The following IGFBP7 variants were observed in gnomAD, a reference collection of about 807,000 sequenced individuals.
IGFBP7 encodes insulin-like growth factor-binding protein 7.
In IGFBP7, 31 loss-of-function variants were observed where a neutral mutation model predicts 29.4. The ratio of observed to expected loss-of-function variants is 1.05; its 90% confidence interval spans 0.79 to 1.42. IGFBP7 has a LOEUF of 1.42. Among genes scored for constraint, IGFBP7 ranks in the 40% most tolerant of loss-of-function variants. The pLI is 0.00. For missense variants in IGFBP7, 393 were observed against 395.5 expected, an observed-to-expected ratio of 0.99 and a Z score of 0.05; for synonymous variants, 172 against 174.9, an observed-to-expected ratio of 0.98 and a Z score of 0.13.
chr4:57,053,019 C>T (rs1472655586), intron 1 of IGFBP7, among the ~76,000 whole-genome samples: 5 of 141,106 alleles, frequency 3.5e-5, no homozygotes, highest in South Asian at 2.2e-4. Context: ...TCTTTTCTAT[C>T]TTTTTTTTTT....
intron 1 of IGFBP7, among the ~76,000 whole-genome samples, chr4:57,074,039 ATCTC>A (rs10569950): frequency 0.03 from 3,190 of 107,498 alleles, 116 homozygotes; most frequent in African/African-American, 0.089. Context: ...TGGAAAATGC[ATCTC>A]TCTCTCTCTC....
intron 1 of IGFBP7, among the ~76,000 whole-genome samples, chr4:57,084,512 T>C (rs879916641): frequency 7.2e-5 from 11 of 152,204 alleles, no homozygotes; most frequent in Non-Finnish European, 8.8e-5. Flanking sequence ...TTAAACATTT[T>C]CCAAGATTTC....
intron 1 of IGFBP7, among the ~76,000 whole-genome samples, chr4:57,052,437 G>T (rs555175701): frequency 6.6e-6 from 1 of 152,322 alleles, no homozygotes; most frequent in South Asian, 2.1e-4. Context: ...CCAGTGGGGA[G>T]ACCAGAAGTG....
At chr4:57,093,354 G>T (rs921371071) in intron 1 of IGFBP7, among the ~76,000 whole-genome samples, 1 of 152,112 alleles carries the variant, frequency 6.6e-6, no homozygotes, top group Non-Finnish European at 1.5e-5. Flanking sequence ...TACAAAATTA[G>T]CTGGGTGTGG....
chr4:57,096,444 C>G (rs1411261418), intron 1 of IGFBP7, among the ~76,000 whole-genome samples: 1 of 151,916 alleles, frequency 6.6e-6, no homozygotes, highest in Non-Finnish European at 1.5e-5. Flanking sequence ...GACATTAAGT[C>G]ATCTGGAAAG....
chr4:57,086,945 G>C (rs1725512680), intron 1 of IGFBP7, among the ~76,000 whole-genome samples: 1 of 152,154 alleles, frequency 6.6e-6, no homozygotes, highest in African/African-American at 2.4e-5. Context: ...TGTTGGCCAA[G>C]CTGGTCTCGA....
Position 57,040,695 on chromosome 4 carries a change from G to A in IGFBP7, c.585+129C>T, listed in dbSNP as rs1334475244. 1.2e-5 allele frequency: 9 copies of A among 727,352 alleles called. No individual in the cohort carries two copies. The Admixed American group carries it at 1.6e-4, about 13-fold the overall frequency. The allele number at this position is 727,352 out of a possible 1,614,324, so 45.1% of individuals were successfully genotyped here. ...ATCCAGGGGAGGGGCCTGTATGACT[G>A]CCCTAAGGCTTCACCTTGCGGGAGC... On this transcript the variant is annotated intron_variant, in intron 2 of 4. Coordinates refer to ENST00000295666, the MANE Select transcript of IGFBP7 (RefSeq NM_001553.3).
chr4:57,083,730 A>G (rs2109788381), intron 1 of IGFBP7, among the ~76,000 whole-genome samples: 1 of 152,354 alleles, frequency 6.6e-6, no homozygotes, highest in East Asian at 1.9e-4. Context: ...TATCTCATGA[A>G]TGGGTGAATG....
intron 1 of IGFBP7, among the ~76,000 whole-genome samples, chr4:57,044,318 T>G (rs144677331): frequency 1.1e-3 from 167 of 152,292 alleles, no homozygotes; most frequent in African/African-American, 3.8e-3. Context: ...ATGCTATGGA[T>G]TTTTCCCATG....
chr4:57,054,580 A>G (rs545550502), intron 1 of IGFBP7, among the ~76,000 whole-genome samples: 2 of 147,136 alleles, frequency 1.4e-5, no homozygotes, highest in South Asian at 2.1e-4. Context: ...CGGAGGTTGC[A>G]GTGCACCAAG....
At position 57,034,094 on chromosome 4, in the gene IGFBP7, T is replaced by C. The variant is rs116010876; in HGVS notation, c.586-783A>G. ...CAGCTGTCAAATACATGTGCTGTCA[T>C]TGTTCTTTTATGACAAAACTTGCTG... is the stretch of plus-strand genomic sequence containing the variant. On this transcript the variant is annotated intron_variant, in intron 2 of 4. Transcript: ENST00000295666. Among the ~76,000 whole-genome samples, 1,278 of 151,106 alleles carry C rather than the reference T, an allele frequency of 8.5e-3. 15 individuals are homozygous for C. The highest frequency in any genetic ancestry group is 0.03 in the African/African-American group (1,232 of 41,172).
At position 57,058,695 on chromosome 4, in the gene IGFBP7, T is replaced by C. The variant is rs1038362522; in HGVS notation, c.476-17762A>G. 5.3e-5 allele frequency among the ~76,000 whole-genome samples: 8 copies of C among 152,228 alleles called. 1 individual carries two copies. The South Asian group carries it at 6.2e-4, about 12-fold the overall frequency. Reference sequence around the variant, plus strand: ...TTCTGGACATAGGAACAGGTAAATATTTCATGACAAAGACACCAAAAGCAA... The same window carrying C: ...TTCTGGACATAGGAACAGGTAAATACTTCATGACAAAGACACCAAAAGCAA... On this transcript the variant is annotated intron_variant, in intron 1 of 4. Transcript: ENST00000295666.
chr4:57,075,470 A>G (rs1055693958), intron 1 of IGFBP7, among the ~76,000 whole-genome samples: 4 of 152,114 alleles, frequency 2.6e-5, no homozygotes, highest in African/African-American at 7.2e-5. Context: ...TCAAAGCTCT[A>G]CCATTCACAG....
In IGFBP7 at chr4:57,109,880, G is replaced by C. The variant is rs777696367; in HGVS notation, c.472C>G (p.Gln158Glu). ...AGAGGGAAGCGCTCGTGCCCACCTTGCTCGCAGGTGCCCTTGCTGACCTGG... is the reference window on the plus strand; with the variant it reads ...AGAGGGAAGCGCTCGTGCCCACCTTCCTCGCAGGTGCCCTTGCTGACCTGG... ...ITQVSKGTCE[Q>E]GPSIVTPPKD... is the part of the protein sequence containing the mutation. The change falls in exon 1 of 5, where the codon CAA becomes GAA. Residue 158 changes from glutamine (Q) to glutamate (E), a missense_variant. Transcript: ENST00000295666. 8 of 1,543,402 alleles carry C rather than the reference G, an allele frequency of 5.2e-6. No homozygotes were observed. The South Asian group carries it at 8.3e-5, about 16-fold the overall frequency.
At chr4:57,079,783 ATAAT>A (rs1217983064) in intron 1 of IGFBP7, among the ~76,000 whole-genome samples, 2 of 152,246 alleles carry the variant, frequency 1.3e-5, no homozygotes, top group African/African-American at 4.8e-5. Flanking sequence ...TGTCTCATTA[ATAAT>A]TGTTAATAAT....
rs769393625 is a variant in IGFBP7 at position 57,032,534 on chromosome 4, CCTTA to C, written c.717_720del (p.Ser239ArgfsTer35). On this transcript the variant is annotated frameshift_variant, in exon 4 of 5. Transcript: ENST00000295666. LOFTEE classifies it high-confidence loss of function. The stretch of plus-strand genomic sequence containing the variant: ...TGGCACTCATATTCTCCAGCATCTT[CCTTA>C]CTTAGAGGAGATACCTGTGAAAGAA... 25 of 1,613,716 alleles carry C rather than the reference CCTTA, an allele frequency of 1.5e-5. No homozygotes were observed. The highest frequency in any genetic ancestry group is 1.6e-4 in the Middle Eastern group (1 of 6,062).
chr4:57,077,128 C>CAA lies in IGFBP7; in HGVS notation c.475+32747_475+32748dup, dbSNP rs11573049. ...TCAGTATAGTGTGGAAACAGAAAAA[C>CAA]AAAAAACAAAATATGGTGCTCTGCG... On this transcript the variant is annotated intron_variant, in intron 1 of 4. Coordinates refer to ENST00000295666, the MANE Select transcript of IGFBP7 (RefSeq NM_001553.3). Among the ~76,000 whole-genome samples the CAA allele has an allele frequency of 9.9e-5, 15 of 151,572 alleles. 1 individual carries two copies. Among genetic ancestry groups the CAA allele is most frequent in the Admixed American group, 9.8e-4 (15 of 15,242 alleles).
At chr4:57,097,595 C>A (rs1440156420) in intron 1 of IGFBP7, among the ~76,000 whole-genome samples, 1 of 152,120 alleles carries the variant, frequency 6.6e-6, no homozygotes, top group Admixed American at 6.6e-5. Flanking sequence ...GGAAACGAAA[C>A]AGCATTTAGT....
intron 1 of IGFBP7, among the ~76,000 whole-genome samples, chr4:57,042,794 G>A (rs977269781): frequency 6.6e-6 from 1 of 152,228 alleles, no homozygotes; most frequent in African/African-American, 2.4e-5. Flanking sequence ...TAGAGCAGTT[G>A]TGGCTGAGAC....
Sources: allele counts gnomAD v4.1 joint callset (sites outside exome capture counted in the v4.1 genomes callset), GRCh38; gene constraint gnomAD v4.1.1; transcripts MANE v1.5; gene names NCBI Gene and HGNC (gene_info 2026-07-23, HGNC 2026-07-21).